The following PRKCB variants were observed in gnomAD, a reference collection of about 807,000 sequenced individuals.
PRKCB encodes protein kinase C beta type.
PRKCB carries 13 observed loss-of-function variants against 81.5 expected under a neutral mutation model. That is an observed-to-expected ratio of 0.16 (90% CI 0.10 to 0.25). The LOEUF (loss-of-function observed/expected upper bound fraction) is 0.25. PRKCB is among the 10% of genes least tolerant of loss of function. PRKCB has a pLI of 1.00. For synonymous variants in PRKCB, 335 were observed against 321.4 expected, an observed-to-expected ratio of 1.04 and a Z score of -0.45; for missense variants, 509 against 875.7, an observed-to-expected ratio of 0.58 and a Z score of 5.29.
intron 2 of PRKCB, among the ~76,000 whole-genome samples, chr16:23,909,826 AC>A (rs1474438027): frequency 6.6e-6 from 1 of 152,120 alleles, no homozygotes; most frequent in Admixed American, 6.5e-5. Flanking sequence ...GTGTATATAG[AC>A]CACATTTGCT....
At chr16:24,017,233 T>A (rs1470033627) in intron 3 of PRKCB, among the ~76,000 whole-genome samples, 1 of 152,032 alleles carries the variant, frequency 6.6e-6, no homozygotes, top group Non-Finnish European at 1.5e-5. Flanking sequence ...ACATAAGAAA[T>A]TCGTGTATCA....
rs1348012411 is a variant in PRKCB, at chr16:23,875,505, ATG to A, written c.205+38100_205+38101del. Among the ~76,000 whole-genome samples, 87 of 27,678 alleles carry A rather than the reference ATG, an allele frequency of 3.1e-3. 4 individuals are homozygous for A. Among genetic ancestry groups the A allele is most frequent in the South Asian group, 0.015 (14 of 960 alleles). The allele number at this position is 27,678 out of a possible 152,430, so 18.2% of individuals were successfully genotyped here. On this transcript the variant is annotated intron_variant, in intron 2 of 16. Transcript: ENST00000643927. ...GATATATATATATATATATATATAT[ATG>A]ATGTATATCACACACATATGTGTAT...
At chr16:23,880,662 G>C (rs1963091880) in intron 2 of PRKCB, among the ~76,000 whole-genome samples, 2 of 151,746 alleles carry the variant, frequency 1.3e-5, no homozygotes, top group Admixed American at 6.6e-5. Flanking sequence ...GGATCCCCTA[G>C]GGTTTCCTTC....
chr16:24,034,825 TC>T (rs1965593379), intron 4 of PRKCB, among the ~76,000 whole-genome samples: 1 of 151,990 alleles, frequency 6.6e-6, no homozygotes, highest in Admixed American at 6.6e-5. Flanking sequence ...AGCTCTGGGC[TC>T]CCCCTAACAT....
At chr16:24,096,422 T>C (rs1329550835) in intron 7 of PRKCB, among the ~76,000 whole-genome samples, 1 of 151,914 alleles carries the variant, frequency 6.6e-6, no homozygotes, top group Non-Finnish European at 1.5e-5. Context: ...CCTGTTACAA[T>C]TTCTGCAAAG....
In PRKCB at chr16:23,859,770, C is replaced by T. The variant is rs926711515; in HGVS notation, c.205+22364C>T. Among the ~76,000 whole-genome samples, 3 of 151,616 alleles carry T rather than the reference C, an allele frequency of 2.0e-5. No homozygotes were observed. In the East Asian group the frequency reaches 5.8e-4, roughly 29 times the overall value. ...TGAAGAATAGAAAATTTGGAGGAGGCAGAGAAAAGGCAGGAAACTTTAAAA... is the reference window on the plus strand; with the variant it reads ...TGAAGAATAGAAAATTTGGAGGAGGTAGAGAAAAGGCAGGAAACTTTAAAA... On this transcript the variant is annotated intron_variant, in intron 2 of 16. Coordinates refer to ENST00000643927, the MANE Select transcript of PRKCB (RefSeq NM_002738.7).
chr16:23,970,947 T>C (rs1187843955), intron 2 of PRKCB, among the ~76,000 whole-genome samples: 1 of 152,240 alleles, frequency 6.6e-6, no homozygotes, highest in Non-Finnish European at 1.5e-5. Flanking sequence ...TGGTCAGGGC[T>C]TGACCAACCT....
intron 2 of PRKCB, among the ~76,000 whole-genome samples, chr16:23,869,751 G>A (rs940202866): frequency 1.3e-5 from 2 of 152,190 alleles, no homozygotes; most frequent in African/African-American, 4.8e-5. Flanking sequence ...ACTATAAGCA[G>A]TGGCTCACGC....
At chr16:23,880,914 C>A (rs1424695416) in intron 2 of PRKCB, among the ~76,000 whole-genome samples, 2 of 151,504 alleles carry the variant, frequency 1.3e-5, no homozygotes, top group Admixed American at 6.6e-5. Context: ...ATTTTACGAT[C>A]TTTTTTTTTG....
intron 7 of PRKCB, among the ~76,000 whole-genome samples, chr16:24,101,671 A>G (rs914735968): frequency 6.6e-6 from 1 of 152,268 alleles, no homozygotes; most frequent in African/African-American, 2.4e-5. Context: ...GGAGTTAGTT[A>G]GGTCCGATTT....
At chr16:24,000,467 A>T (rs73540968) in intron 3 of PRKCB, among the ~76,000 whole-genome samples, 17,700 of 152,220 alleles carry the variant, frequency 0.12, 2,429 homozygotes, top group African/African-American at 0.34. Context: ...CCAGATACTC[A>T]TTAGGAAAAC....
intron 2 of PRKCB, among the ~76,000 whole-genome samples, chr16:23,959,967 TTCTGGCC>T (rs1168795429): frequency 6.6e-6 from 1 of 152,200 alleles, no homozygotes; most frequent in Non-Finnish European, 1.5e-5. Context: ...TTTCATTGCA[TTCTGGCC>T]TGGCTTCCAA....
chr16:23,969,423 G>A (rs970015197), intron 2 of PRKCB, among the ~76,000 whole-genome samples: 3 of 152,112 alleles, frequency 2.0e-5, no homozygotes, highest in African/African-American at 7.2e-5. Flanking sequence ...ATGTTTTTGA[G>A]ACTCACGCAT....
intron 4 of PRKCB, among the ~76,000 whole-genome samples, chr16:24,033,948 C>G (rs1363905346): frequency 6.6e-6 from 1 of 151,750 alleles, no homozygotes; most frequent in African/African-American, 2.4e-5. Flanking sequence ...GACAAAGAGG[C>G]CAGAGACAAG....
intron 3 of PRKCB, among the ~76,000 whole-genome samples, chr16:24,023,069 C>CT (rs1005661390): frequency 2.6e-5 from 4 of 151,516 alleles, no homozygotes; most frequent in East Asian, 3.9e-4. Context: ...GAAGCTGTGT[C>CT]TTTTTTTTTG....
chr16:23,881,997 TCTTTCTTTCTTTCTTTCTTTCTTTCTTC>T (rs1174027232), intron 2 of PRKCB, among the ~76,000 whole-genome samples: 2 of 65,512 alleles, frequency 3.1e-5, no homozygotes, highest in Non-Finnish European at 5.9e-5. Context: ...TTTCTTTCTT[TCTTTCTTTCTTTCTTTCTTTCTTTCTTC>T]CTTCCTTCCT....
intron 5 of PRKCB, among the ~76,000 whole-genome samples, chr16:24,050,852 T>C (rs546343842): frequency 6.6e-6 from 1 of 152,310 alleles, no homozygotes; most frequent in Non-Finnish European, 1.5e-5. Flanking sequence ...CACTGTTGAC[T>C]TATCTTGGGT....
chr16:24,107,593 G>T (rs1596550603), intron 7 of PRKCB, among the ~76,000 whole-genome samples: 1 of 152,198 alleles, frequency 6.6e-6, no homozygotes, highest in East Asian at 1.9e-4. Context: ...AAGTCAGAAG[G>T]GGTCCTGCTC....
chr16:23,997,538 C>T (rs1173600198), intron 3 of PRKCB, among the ~76,000 whole-genome samples: 1 of 152,144 alleles, frequency 6.6e-6, no homozygotes, highest in African/African-American at 2.4e-5. Context: ...GAAACAAGGA[C>T]TGTGATTGGC....
Sources: gnomAD v4.1 joint callset for allele counts (sites outside exome capture counted in the v4.1 genomes callset) on GRCh38, gnomAD v4.1.1 for gene constraint, MANE v1.5 for transcripts, NCBI Gene and HGNC (gene_info 2026-07-23, HGNC 2026-07-21) for gene names.